Variants in CDH18 observed in about 807,000 individuals in gnomAD.
CDH18 encodes cadherin-18.
Under a neutral mutation model 67.9 loss-of-function variants are expected in CDH18, and 31 were observed. That is an observed-to-expected ratio of 0.46 (90% CI 0.34 to 0.62). The LOEUF is 0.62. Ranked by LOEUF, CDH18 falls within the 20% of genes least tolerant of loss-of-function variation. The pLI is 0.01. For synonymous variants in CDH18, 362 were observed against 347.2 expected (o/e 1.04, Z -0.48); for missense variants, 890 against 975.5 (o/e 0.91, Z 1.17).
At chr5:20,217,370 G>A (rs1304441071) in intron 2 of CDH18, among the ~76,000 whole-genome samples, 1 of 151,798 alleles carries the variant, frequency 6.6e-6, no homozygotes, top group South Asian at 2.1e-4. Flanking sequence ...AAGGGAAAAA[G>A]CAGAGGTTGA....
intron 1 of CDH18, among the ~76,000 whole-genome samples, chr5:20,527,671 GAGA>G (rs1453792853): frequency 6.6e-6 from 1 of 152,016 alleles, no homozygotes; most frequent in Non-Finnish European, 1.5e-5. Context: ...AGCTTTATAA[GAGA>G]AGGAGAAATA....
intron 1 of CDH18, among the ~76,000 whole-genome samples, chr5:20,534,988 C>G (rs1034960330): frequency 3.9e-5 from 6 of 151,966 alleles, no homozygotes; most frequent in African/African-American, 1.4e-4. Context: ...TTATAGCCTA[C>G]CTTTGATCAA....
chr5:20,306,085 CTT>C (rs1414792468), intron 1 of CDH18, among the ~76,000 whole-genome samples: 1 of 152,156 alleles, frequency 6.6e-6, no homozygotes, highest in Non-Finnish European at 1.5e-5. Flanking sequence ...CTTTTGAAGA[CTT>C]CTACACACAG....
chr5:20,528,029 A>G (rs1207587421), intron 1 of CDH18, among the ~76,000 whole-genome samples: 4 of 152,090 alleles, frequency 2.6e-5, no homozygotes, highest in Non-Finnish European at 4.4e-5. Flanking sequence ...CTCACATGCA[A>G]AAACACACCT....
intron 2 of CDH18, among the ~76,000 whole-genome samples, chr5:19,938,339 A>G (rs1794491504): frequency 6.6e-6 from 1 of 151,164 alleles, no homozygotes; most frequent in African/African-American, 2.4e-5. Context: ...GACTGAAACA[A>G]CAAGTTTATT....
At chr5:19,859,458 A>ATTCTGTAGAG (rs1386348690) in intron 2 of CDH18, among the ~76,000 whole-genome samples, 26 of 152,020 alleles carry the variant, frequency 1.7e-4, no homozygotes, top group African/African-American at 5.8e-4. Flanking sequence ...CTTGTGGGGA[A>ATTCTGTAGAG]AATTCACATT....
chr5:20,171,727 G>A (rs1449732240), intron 2 of CDH18, among the ~76,000 whole-genome samples: 1 of 151,744 alleles, frequency 6.6e-6, no homozygotes, highest in East Asian at 1.9e-4. Context: ...TTAATTGGAT[G>A]CCATTTGTCA....
At chr5:20,140,107 G>T (rs1316746990) in intron 2 of CDH18, among the ~76,000 whole-genome samples, 4 of 152,096 alleles carry the variant, frequency 2.6e-5, no homozygotes, top group African/African-American at 9.7e-5. Flanking sequence ...AGAAAATGTG[G>T]CACATATACA....
At position 19,814,116 on chromosome 5, in the gene CDH18, T is replaced by C. The variant is rs554797829; in HGVS notation, c.228+24643A>G. On this transcript the variant is annotated intron_variant, in intron 3 of 12. Coordinates refer to ENST00000382275, the MANE Select transcript of CDH18 (RefSeq NM_004934.5). ...GAAGAAAGAGGCTCTTTTGCTAGCATGACATTAAAATAATTTAAAATAAAT... is the reference window on the plus strand; with the variant it reads ...GAAGAAAGAGGCTCTTTTGCTAGCACGACATTAAAATAATTTAAAATAAAT... 2.0e-4 allele frequency among the ~76,000 whole-genome samples: 31 copies of C among 152,010 alleles called. No homozygotes were observed. In the Middle Eastern group the frequency reaches 0.014, roughly 67 times the overall value.
chr5:20,062,528 A>G (rs1742591808), intron 2 of CDH18, among the ~76,000 whole-genome samples: 1 of 152,152 alleles, frequency 6.6e-6, no homozygotes, highest in African/African-American at 2.4e-5. Context: ...ACCTTCATAG[A>G]TGATGATAAC....
chr5:20,546,748 T>TAC (rs72287076), intron 1 of CDH18, among the ~76,000 whole-genome samples: 11 of 141,498 alleles, frequency 7.8e-5, no homozygotes, highest in Admixed American at 2.2e-4. Context: ...CATACATACA[T>TAC]AGACACACAC....
intron 2 of CDH18, among the ~76,000 whole-genome samples, chr5:20,124,615 A>G (rs1748667251): frequency 6.6e-6 from 1 of 152,200 alleles, no homozygotes; most frequent in African/African-American, 2.4e-5. Flanking sequence ...AAAGAGAGAA[A>G]TTGAAAGTAG....
intron 2 of CDH18, among the ~76,000 whole-genome samples, chr5:19,922,564 C>T (rs1026743334): frequency 6.6e-6 from 1 of 152,172 alleles, no homozygotes. Flanking sequence ...CCTCCTTTCT[C>T]TATCTGCTGT....
intron 1 of CDH18, among the ~76,000 whole-genome samples, chr5:20,334,539 T>C (rs1739529746): frequency 6.6e-6 from 1 of 152,004 alleles, no homozygotes; most frequent in African/African-American, 2.4e-5. Flanking sequence ...TGAAGACTAA[T>C]GTCAATCAGA....
Position 19,473,073 on chromosome 5 carries a change from TTTC to T in CDH18, c.*150_*152del. On this transcript the variant is annotated 3_prime_UTR_variant, in exon 13 of 13. Transcript: ENST00000382275. ...ACTTTCTTCCAATTAAATAACCCAG[TTTC>T]GATCATGAAAAGGGCACTTGTTTCT... The T allele has an allele frequency of 1.3e-6, 1 of 788,084 alleles. No homozygotes were observed. The highest frequency in any genetic ancestry group is 2.0e-6 in the Non-Finnish European group (1 of 496,766). 48.8% of individuals were successfully genotyped at this position (788,084 alleles called of 1,614,324 possible).
chr5:19,941,000 C>A (rs1794753365), intron 2 of CDH18, among the ~76,000 whole-genome samples: 1 of 152,008 alleles, frequency 6.6e-6, no homozygotes, highest in Middle Eastern at 3.2e-3. Flanking sequence ...AAGAAAAGTT[C>A]AGAGAGAGTA....
In CDH18 at chr5:20,036,659, T is replaced by C. The variant is rs551079130; in HGVS notation, c.-517-44645A>G. Among the ~76,000 whole-genome samples, 7 of 152,126 alleles carry C rather than the reference T, an allele frequency of 4.6e-5. No individual in the cohort carries two copies. The South Asian group carries it at 1.2e-3, about 27-fold the overall frequency. On this transcript the variant is annotated intron_variant, in intron 2 of 14. Transcript: ENST00000507958. ...ACAGAAAATAACATATAACAAGTATTGAATATCTTTGTAATTTTCTGTCTC... is the reference window on the plus strand; with the variant it reads ...ACAGAAAATAACATATAACAAGTATCGAATATCTTTGTAATTTTCTGTCTC...
intron 5 of CDH18, among the ~76,000 whole-genome samples, chr5:19,637,393 C>T (rs1430098157): frequency 1.3e-5 from 2 of 151,902 alleles, no homozygotes; most frequent in African/African-American, 4.8e-5. Flanking sequence ...TAATATCACA[C>T]ATTTCCTTGT....
At chr5:20,382,572 G>A (rs566795569) in intron 1 of CDH18, among the ~76,000 whole-genome samples, 1 of 152,186 alleles carries the variant, frequency 6.6e-6, no homozygotes, top group East Asian at 1.9e-4. Flanking sequence ...AATAGGAAGA[G>A]TTTCTATAGA....
Sources: allele counts gnomAD v4.1 joint callset (sites outside exome capture counted in the v4.1 genomes callset), GRCh38; gene constraint gnomAD v4.1.1; transcripts MANE v1.5; gene names NCBI Gene and HGNC (gene_info 2026-07-23, HGNC 2026-07-21).